HAP1: variants seen among roughly 807,000 people sequenced by gnomAD.
The protein encoded by HAP1 is huntingtin-associated protein 1.
Under a neutral mutation model 60.3 loss-of-function variants are expected in HAP1, and 59 were observed. That is an observed-to-expected ratio of 0.98 (90% confidence interval 0.79 to 1.22). HAP1 has a LOEUF of 1.22. Ranked by LOEUF, HAP1 falls within the 50% of genes most tolerant of loss-of-function variation. HAP1 has a pLI of 0.00. For missense variants in HAP1, 825 were observed against 785.3 expected (o/e 1.05, Z -0.60); for synonymous variants, 346 against 330.6 (o/e 1.05, Z -0.50).
In HAP1 at chr17:41,732,303, AG is replaced by A. The variant is rs1567785472; in HGVS notation, c.640del (p.Leu214TrpfsTer2). 1.9e-6 allele frequency: 3 copies of A among 1,614,004 alleles called. No homozygotes were observed. In the African/African-American group the frequency reaches 4.0e-5, roughly 22 times the overall value. ...LNTAARIGQS[L>X]VKQNSVLMEE... ...CATCAAAACACTGTTCTGTTTCACC[AG>A]GGACTGGCCGATGCGAGCTGCAGTG... is the stretch of plus-strand genomic sequence containing the variant. On this transcript the variant is annotated frameshift_variant, in exon 3 of 11. Coordinates refer to ENST00000347901, the MANE Select transcript of HAP1 (RefSeq NM_177977.3). LOFTEE classifies it high-confidence loss of function.
chr17:41,733,028 G>GT (rs1567786123), intron 1 of HAP1, among the ~76,000 whole-genome samples: 11 of 56,188 alleles, frequency 2.0e-4, no homozygotes, highest in Admixed American at 4.2e-4. Flanking sequence ...AGGTTTTTGG[G>GT]TTTTTTTTGG....
intron 2 of HAP1, 63 bp downstream of exon 2, chr17:41,732,655 AC>A: frequency 3.7e-6 from 5 of 1,347,880 alleles, no homozygotes; most frequent in Non-Finnish European, 5.3e-6. Context: ...AATAAACAAG[AC>A]CCCCACCCCT....
chr17:41,719,468 G>A (rs6416920), downstream of HAP1, among the ~76,000 whole-genome samples: 115,726 of 151,972 alleles, frequency 0.76, 45,746 homozygotes, highest in Middle Eastern at 0.91. Context: ...CAAGGCAGGC[G>A]GATCACCTGA....
rs782058068 is a variant in HAP1 at position 41,732,784 on chromosome 17, G to A, written c.484C>T (p.Leu162=). 2 of 1,610,742 alleles carry A rather than the reference G, an allele frequency of 1.2e-6. No homozygotes were observed. The highest frequency in any genetic ancestry group is 2.2e-5 in the East Asian group (1 of 44,850). ...GTGATCTTTTTGACTGGCGGAGGTAGGTTAGGACACAGTGCTGCAGGAGGC... is the reference window on the plus strand; with the variant it reads ...GTGATCTTTTTGACTGGCGGAGGTAAGTTAGGACACAGTGCTGCAGGAGGC... ...RELEEALCPN[L]PPPVKKITQE... Residue 162 remains leucine, a synonymous_variant, in exon 2 of 11, where the codon CTA becomes TTA. Coordinates refer to ENST00000347901, the MANE Select transcript of HAP1 (RefSeq NM_177977.3).
chr17:41,726,236 C>G (rs1283326761), intron 9 of HAP1, among the ~76,000 whole-genome samples: 1 of 151,984 alleles, frequency 6.6e-6, no homozygotes, highest in Non-Finnish European at 1.5e-5. Context: ...AACATCTCTA[C>G]TGGCCCATCT....
intron 6 of HAP1, among the ~76,000 whole-genome samples, chr17:41,728,839 G>A (rs1555589721): frequency 6.6e-6 from 1 of 152,312 alleles, no homozygotes; most frequent in African/African-American, 2.4e-5. Context: ...GTGCACACAG[G>A]CCAGACCACA....
In HAP1 at chr17:41,729,779, G is replaced by C. The variant is rs1251365811; in HGVS notation, c.1070-1448C>G. Among the ~76,000 whole-genome samples, 6 of 149,274 alleles carry C rather than the reference G, an allele frequency of 4.0e-5. No homozygotes were observed. In the Admixed American group the frequency reaches 4.1e-4, roughly 10 times the overall value. On this transcript the variant is annotated intron_variant, in intron 6 of 10. Transcript: ENST00000347901. ...TAATCCCAGCTACTCAGGAGGCTGAGGCAGGAGAATCACTTGAACCTGGGA... is the reference window on the plus strand; with the variant it reads ...TAATCCCAGCTACTCAGGAGGCTGACGCAGGAGAATCACTTGAACCTGGGA...
In HAP1 at chr17:41,724,866, C is replaced by T. The variant is rs1471751831; in HGVS notation, c.1695G>A (p.Leu565=). 1 of 1,613,540 alleles carries T rather than the reference C, an allele frequency of 6.2e-7. No homozygotes were observed. Among genetic ancestry groups the T allele is most frequent in the African/African-American group, 1.3e-5 (1 of 74,934 alleles). The change falls in exon 11 of 11, where the codon TTG becomes TTA. Residue 565 remains leucine, a synonymous_variant. Transcript: ENST00000347901. ...AATTCATGTCCAGGTGTGAAGGGCC[C>T]AAGCCGCTGGCCTCCAGGGCTGATG... ...VVTSALEASG[L]GPSHLDMNYV... is the part of the protein sequence containing the mutation.
At chr17:41,732,142 T>A (rs782485523) in intron 3 of HAP1, 24 bp from the exon 4 acceptor site, 1 of 1,613,002 alleles carries the variant, frequency 6.2e-7, no homozygotes, top group Non-Finnish European at 8.5e-7. Context: ...AGAGGAGCCA[T>A]GGGTTGGGAG....
intron 8 of HAP1, 149 bp from the exon 9 acceptor site, chr17:41,727,293 C>T (rs370752360): frequency 1.9e-5 from 15 of 780,726 alleles, no homozygotes; most frequent in Non-Finnish European, 3.1e-5. Flanking sequence ...GGGGAGGGTC[C>T]TCACCAGAGG....
intron 7 of HAP1, 41 bp from the exon 8 acceptor site, chr17:41,727,877 A>G: frequency 8.0e-7 from 1 of 1,255,482 alleles, no homozygotes; most frequent in Admixed American, 1.7e-5. Context: ...TCTGAGGCCT[A>G]CCCACTCAGG....
intron 10 of HAP1, among the ~76,000 whole-genome samples, chr17:41,725,395 C>G (rs1237168344): frequency 1.6e-4 from 25 of 152,172 alleles, no homozygotes; most frequent in Non-Finnish European, 3.2e-4. Context: ...TGACCCTGCA[C>G]GGAATACACC....
chr17:41,727,971 G>A (rs1555589418), intron 7 of HAP1, 135 bp from the exon 8 acceptor site: 5 of 698,912 alleles, frequency 7.2e-6, no homozygotes, highest in Non-Finnish European at 1.2e-5. Context: ...ACGGAAGGAG[G>A]GCAAAGAAGG....
downstream of HAP1, chr17:41,720,902 C>G (rs541571694): frequency 2.0e-5 from 3 of 151,874 alleles, no homozygotes; most frequent in African/African-American, 7.3e-5. Context: ...TGGATTCAAG[C>G]GATTCTCCTG....
Position 41,734,339 on chromosome 17 carries a change from T to C in HAP1, c.296A>G (p.Asn99Ser). 2 of 1,609,036 alleles carry C rather than the reference T, an allele frequency of 1.2e-6. No homozygotes were observed. Among genetic ancestry groups the C allele is most frequent in the Non-Finnish European group, 1.7e-6 (2 of 1,177,126 alleles). The change falls in exon 1 of 11, where the codon AAT (asparagine) becomes AGT (serine). Residue 99 changes from asparagine (N) to serine (S), a missense_variant. Physicochemically the swap from Asn to Ser is conservative, Grantham distance 46. Transcript: ENST00000347901. ...GAAGCGGGTCCACGGCGCGTCCGAA[T>C]TGTCGGGCATAGACCGGACATCCCC... ...IQGDVRSMPD[N>S]SDAPWTRFVF...
rs147927582 is a variant in HAP1, at chr17:41,724,778, T to C, written c.1783A>G (p.Met595Val). 3.1e-6 allele frequency: 5 copies of C among 1,611,092 alleles called. No individual in the cohort carries two copies. The highest frequency in any genetic ancestry group is 2.2e-5 in the East Asian group (1 of 44,816). ...AHYRRQLRWK[M>V]LQKGECPHGA... is the part of the protein sequence containing the mutation. ...TGGGGGCACTCACCTTTCTGGAGCA[T>C]CTTCCACCTCAGCTGCCGCCTGTAA... is the stretch of plus-strand genomic sequence containing the variant. The change falls in exon 11 of 11, where the codon ATG (methionine) becomes GTG (valine). Residue 595 changes from methionine (M) to valine (V), a missense_variant. By Grantham distance (21) the Met-to-Val change is conservative (BLOSUM62 1). Transcript: ENST00000347901.
chr17:41,728,072 G>C, intron 7 of HAP1, 129 bp downstream of exon 7: 2 of 1,097,062 alleles, frequency 1.8e-6, no homozygotes, highest in Non-Finnish European at 2.7e-6. Flanking sequence ...AAGATAAGGG[G>C]CTCTCTGAGG....
At position 41,725,299 on chromosome 17, in the gene HAP1, G is replaced by T. The variant is rs185427441; in HGVS notation, c.1407-145C>A. 5.3e-5 allele frequency: 35 copies of T among 662,866 alleles called. No individual in the cohort carries two copies. In the African/African-American group the frequency reaches 5.5e-4, roughly 10 times the overall value. 41.1% of individuals were successfully genotyped at this position (662,866 alleles called of 1,614,324 possible). ...AGGGGAGCTAGGTACCAGCTCCAAG[G>T]CTTCAAATACCCAGCCCATCCCCCT... is the stretch of plus-strand genomic sequence containing the variant. On this transcript the variant is annotated intron_variant, in intron 10 of 10. Coordinates refer to ENST00000347901, the MANE Select transcript of HAP1 (RefSeq NM_177977.3).
Position 41,729,104 on chromosome 17 carries a change from T to C in HAP1, c.1070-773A>G, listed in dbSNP as rs374104182. Among the ~76,000 whole-genome samples, 15 of 151,504 alleles carry C rather than the reference T, an allele frequency of 9.9e-5. No individual in the cohort carries two copies. The East Asian group carries it at 1.0e-3, about 10-fold the overall frequency. ...TACAGGCATGCGCCACCACGCCCAG[T>C]TAATTTTTGTATTTTTAGTAGAGAC... is the stretch of plus-strand genomic sequence containing the variant. On this transcript the variant is annotated intron_variant, in intron 6 of 10. Transcript: ENST00000347901.
Sources: gnomAD v4.1 joint callset for allele counts (sites outside exome capture counted in the v4.1 genomes callset) on GRCh38, gnomAD v4.1.1 for gene constraint, MANE v1.5 for transcripts, NCBI Gene and HGNC (gene_info 2026-07-23, HGNC 2026-07-21) for gene names.